Variants in KIF26A observed in about 807,000 individuals in gnomAD.
KIF26A encodes the protein kinesin-like protein KIF26A.
A neutral mutation model predicts 126.0 loss-of-function variants in KIF26A; 74 were observed. The observed-to-expected ratio is 0.59, with a 90% CI of 0.49 to 0.71. The LOEUF (loss-of-function observed/expected upper bound fraction) is 0.71, where lower values mean the gene tolerates loss of function less well. KIF26A is among the 30% of genes least tolerant of loss of function. The probability of loss-of-function intolerance (pLI) is 0.00; values close to 1 mark genes in which losing one functional copy is unlikely to be tolerated. For missense variants in KIF26A, 2,984 were observed against 2,763.3 expected (o/e 1.08, Z -1.79); for synonymous variants, 1,445 against 1,232.7 (o/e 1.17, Z -3.61).
At chr14:104,157,607 C>G in intron 3 of KIF26A, 148 bp from the exon 4 acceptor site, 1 of 892,034 alleles carries the variant, frequency 1.1e-6, no homozygotes, top group Non-Finnish European at 1.6e-6. Context: ...GCCTTCCCGG[C>G]TTCACAGGCT....
chr14:104,163,000 C>T (rs1441003165), intron 4 of KIF26A, among the ~76,000 whole-genome samples: 4 of 152,362 alleles, frequency 2.6e-5, no homozygotes, highest in Admixed American at 1.3e-4. Context: ...CTGTCCCAGT[C>T]CTGCCTGCTA....
chr14:104,176,184 C>T lies in KIF26A; in HGVS notation c.3396C>T (p.Arg1132=), dbSNP rs771886722. 5 of 1,597,678 alleles carry T rather than the reference C, an allele frequency of 3.1e-6. No homozygotes were observed. The highest frequency in any genetic ancestry group is 4.3e-6 in the Non-Finnish European group (5 of 1,173,266). Residue 1132 remains arginine, a synonymous_variant, in exon 12 of 15, where the codon CGC becomes CGT. Coordinates refer to ENST00000423312, the MANE Select transcript of KIF26A (RefSeq NM_015656.2). ...GCCGTGACCCCACGCCGCAGCCCCG[C>T]TTCAGCCCCGACTCGCTGGCAGGGC... The part of the protein sequence containing the change: ...ADSRDPTPQP[R]FSPDSLAGLD...
At chr14:104,145,551 C>G (rs1210260136) in intron 2 of KIF26A, among the ~76,000 whole-genome samples, 1 of 152,234 alleles carries the variant, frequency 6.6e-6, no homozygotes, top group Non-Finnish European at 1.5e-5. Context: ...TGCTTGCGTC[C>G]CTCCTGCGCT....
chr14:104,157,628 G>A (rs1029392441), intron 3 of KIF26A, 127 bp from the exon 4 acceptor site: 1 of 1,032,384 alleles, frequency 9.7e-7, no homozygotes, highest in Non-Finnish European at 1.3e-6. Context: ...GGGCCCTGGG[G>A]GTGCAGAGCC....
intron 2 of KIF26A, among the ~76,000 whole-genome samples, chr14:104,143,587 T>C (rs1183208008): frequency 1.3e-5 from 2 of 152,206 alleles, no homozygotes; most frequent in African/African-American, 2.4e-5. Context: ...GGCCTGTGAT[T>C]TGGGGGTCCC....
At chr14:104,142,538 T>G (rs753607667) in intron 2 of KIF26A, among the ~76,000 whole-genome samples, 5 of 152,192 alleles carry the variant, frequency 3.3e-5, no homozygotes, top group Non-Finnish European at 5.9e-5. Context: ...CTCCCTGGGC[T>G]GGAGGCCCCT....
rs1437831051 is a variant in KIF26A, at chr14:104,176,496, A to G, written c.3708A>G (p.Gly1236=). The change falls in exon 12 of 15, where the codon GGA becomes GGG. Residue 1236 remains glycine (G), a synonymous_variant. Coordinates refer to ENST00000423312, the MANE Select transcript of KIF26A (RefSeq NM_015656.2). ...ARLGQSPPGR[G]GLFEDPWLLR... is the part of the protein sequence containing the mutation. ...TGGGCCAGAGCCCACCTGGCCGTGGAGGCCTGTTTGAGGACCCATGGCTGC... is the reference window on the plus strand; with the variant it reads ...TGGGCCAGAGCCCACCTGGCCGTGGGGGCCTGTTTGAGGACCCATGGCTGC... The G allele has an allele frequency of 6.2e-7, 1 of 1,605,682 alleles. No homozygotes were observed. Among genetic ancestry groups the G allele is most frequent in the Non-Finnish European group, 8.5e-7 (1 of 1,179,618 alleles).
At chr14:104,144,664 C>G (rs1273382955) in intron 2 of KIF26A, among the ~76,000 whole-genome samples, 1 of 152,210 alleles carries the variant, frequency 6.6e-6, no homozygotes, top group Non-Finnish European at 1.5e-5. Flanking sequence ...ATGTGCTGCT[C>G]AGCTCTGGGC....
In KIF26A at chr14:104,139,153, C is replaced by T. The variant is rs935238573; in HGVS notation, c.153C>T (p.Pro51=). Residue 51 remains proline, a synonymous_variant, in exon 2 of 15, where the codon CCC becomes CCT. Transcript: ENST00000423312. Reference sequence around the variant, plus strand: ...ACCCATGCGGCAGCCGCCCTGCTCCCGAAGGCGCCGGGGCCGGCCCAGAGC... The same window carrying T: ...ACCCATGCGGCAGCCGCCCTGCTCCTGAAGGCGCCGGGGCCGGCCCAGAGC... ...DQDPCGSRPA[P]EGAGAGPEQG... 4 of 1,516,634 alleles carry T rather than the reference C, an allele frequency of 2.6e-6. No homozygotes were observed. The highest frequency in any genetic ancestry group is 3.5e-6 in the Non-Finnish European group (4 of 1,132,890). 93.9% of individuals were successfully genotyped at this position (1,516,634 alleles called of 1,614,324 possible).
Position 104,138,691 on chromosome 14 carries a change from A to G in KIF26A, c.-32A>G. ...CCCCCGGAGAGCCAGCGTGGCCGGG[A>G]GCGCCTGCCGGGCTCTTCCCGCGCC... On this transcript the variant is annotated 5_prime_UTR_variant, in exon 1 of 15. Transcript: ENST00000423312. 7.9e-7 allele frequency: 1 copy of G among 1,264,658 alleles called. No individual in the cohort carries two copies. Among genetic ancestry groups the G allele is most frequent in the South Asian group, 2.5e-5 (1 of 39,976 alleles). 78.3% of individuals were successfully genotyped at this position (1,264,658 alleles called of 1,614,324 possible).
At chr14:104,145,495 G>T (rs1245234910) in intron 2 of KIF26A, among the ~76,000 whole-genome samples, 5 of 152,170 alleles carry the variant, frequency 3.3e-5, no homozygotes, top group Non-Finnish European at 5.9e-5. Flanking sequence ...CTGGCCCGGC[G>T]CCAGGTCACT....
rs1228583431 is a variant in KIF26A, at chr14:104,151,512, C to T, written c.289-503C>T. ...GCCTTCGCTTCTGTTGACACCTTTA[C>T]AGCAGCACTGATTTGATTTTCCACC... On this transcript the variant is annotated intron_variant, in intron 2 of 14. Transcript: ENST00000423312. The surrounding 1 kb of genome is among the most constrained non-coding windows in gnomAD (Gnocchi z 4.9). Among the ~76,000 whole-genome samples, 1 of 152,212 alleles carries T rather than the reference C, an allele frequency of 6.6e-6. No homozygotes were observed. The highest frequency in any genetic ancestry group is 1.5e-5 in the Non-Finnish European group (1 of 68,026).
At chr14:104,144,600 A>G (rs28529830) in intron 2 of KIF26A, among the ~76,000 whole-genome samples, 4,837 of 152,292 alleles carry the variant, frequency 0.032, 266 homozygotes, top group African/African-American at 0.11. Context: ...TCCCTTAAGT[A>G]ACAAAGAAAG....
intron 3 of KIF26A, among the ~76,000 whole-genome samples, chr14:104,155,464 C>T (rs2037768080): frequency 7.1e-6 from 1 of 140,724 alleles, no homozygotes; most frequent in Non-Finnish European, 1.6e-5. Context: ...CGGCCTCACG[C>T]TCCCCTCTCT....
chr14:104,168,432 T>C (rs1378674190), intron 5 of KIF26A, among the ~76,000 whole-genome samples: 1 of 151,988 alleles, frequency 6.6e-6, no homozygotes, highest in East Asian at 1.9e-4. Flanking sequence ...CAGTGGTGGG[T>C]CCCTAGGGAG....
At chr14:104,157,088 AGGGTTC>A (rs1277251094) in intron 3 of KIF26A, among the ~76,000 whole-genome samples, 1 of 152,006 alleles carries the variant, frequency 6.6e-6, no homozygotes, top group Non-Finnish European at 1.5e-5. Flanking sequence ...GTTTGGCCTG[AGGGTTC>A]GGGGTCCCAC....
chr14:104,164,510 T>G (rs2037862417), intron 4 of KIF26A, among the ~76,000 whole-genome samples: 2 of 149,318 alleles, frequency 1.3e-5, no homozygotes, highest in African/African-American at 2.5e-5. Context: ...GCTGGGAGGG[T>G]GTGGGGCCCT....
intron 2 of KIF26A, among the ~76,000 whole-genome samples, chr14:104,146,610 C>A (rs116690577): frequency 0.01 from 1,532 of 152,216 alleles, 10 homozygotes; most frequent in Middle Eastern, 0.024. Context: ...GCCACAGAGC[C>A]AGGCTGTCCC....
chr14:104,151,874 G>T lies in KIF26A; in HGVS notation c.289-141G>T. The stretch of plus-strand genomic sequence containing the variant: ...TGGGCTTGTGTGGGTGAAAGTGTTT[G>T]GGCTTATTAATCTGTTACGGATGGT... On this transcript the variant is annotated intron_variant, in intron 2 of 14. Coordinates refer to ENST00000423312, the MANE Select transcript of KIF26A (RefSeq NM_015656.2). This position sits in a 1 kb window ranked among gnomAD's most constrained non-coding sequence, Gnocchi z 4.9. 1 of 682,122 alleles carries T rather than the reference G, an allele frequency of 1.5e-6. No individual in the cohort carries two copies. 42.3% of individuals were successfully genotyped at this position (682,122 alleles called of 1,614,324 possible).
Sources: allele counts gnomAD v4.1 joint callset (sites outside exome capture counted in the v4.1 genomes callset), GRCh38; gene constraint gnomAD v4.1.1; non-coding constraint Gnocchi (gnomAD v3.1); transcripts MANE v1.5; gene names NCBI Gene and HGNC (gene_info 2026-07-23, HGNC 2026-07-21).